The following SUN5 variants were observed in gnomAD, a reference collection of about 807,000 sequenced individuals.
SUN5 encodes Sad1 and UNC84 domain containing 5.
Under a neutral mutation model 53.7 loss-of-function variants are expected in SUN5, and 44 were observed. The ratio of observed to expected loss-of-function variants is 0.82; its 90% CI spans 0.64 to 1.05. The LOEUF (loss-of-function observed/expected upper bound fraction) is 1.05, where lower values mean the gene tolerates loss of function less well. Among genes scored for constraint, SUN5 ranks in the 50% least tolerant of loss-of-function variants. The pLI, the probability that SUN5 is intolerant of heterozygous loss-of-function variation, is 0.00. For synonymous variants in SUN5, 166 were observed against 179.8 expected (o/e 0.92, Z 0.62); for missense variants, 433 against 483.8 (o/e 0.90, Z 0.98).
At chr20:32,992,655 C>T (rs775272440) in intron 8 of SUN5, among the ~76,000 whole-genome samples, 9 of 152,148 alleles carry the variant, frequency 5.9e-5, no homozygotes, top group South Asian at 2.1e-4. Flanking sequence ...TGAAAAGCCA[C>T]GCTATAGCCT....
At chr20:32,991,892 C>T (rs1989719086) in intron 8 of SUN5, among the ~76,000 whole-genome samples, 1 of 152,184 alleles carries the variant, frequency 6.6e-6, no homozygotes, top group South Asian at 2.1e-4. Context: ...AAGACCCAAA[C>T]CCATATGAAC....
intron 8 of SUN5, among the ~76,000 whole-genome samples, chr20:32,991,078 T>C (rs1219727395): frequency 6.6e-6 from 1 of 152,094 alleles, no homozygotes; most frequent in Admixed American, 6.6e-5. Context: ...CTGGGGACAA[T>C]AATCTCACCT....
At chr20:33,004,011 A>C (rs1462857966) in intron 1 of SUN5, among the ~76,000 whole-genome samples, 3 of 152,196 alleles carry the variant, frequency 2.0e-5, no homozygotes, top group Non-Finnish European at 4.4e-5. Context: ...GACTGGTGCC[A>C]CACCGTGTTC....
chr20:32,999,843 AC>A lies in SUN5; in HGVS notation c.340+230del, dbSNP rs371482039. On this transcript the variant is annotated intron_variant, in intron 5 of 12. Transcript: ENST00000356173. ...CATGGAAACCCAGAAAGCGGAAGTA[AC>A]AATGTTCATAACACGGTTTGGGGAG... 24 of 1,423,602 alleles carry A rather than the reference AC, an allele frequency of 1.7e-5. No individual in the cohort carries two copies. In the African/African-American group the frequency reaches 2.7e-4, roughly 16 times the overall value. 88.2% of individuals were successfully genotyped at this position (1,423,602 alleles called of 1,614,324 possible).
chr20:32,996,573 C>T (rs6088060), intron 6 of SUN5, among the ~76,000 whole-genome samples: 47,621 of 150,380 alleles, frequency 0.32, 8,672 homozygotes, highest in East Asian at 0.79. Context: ...TCCATCCACA[C>T]CTTCATCCAT....
intron 10 of SUN5, among the ~76,000 whole-genome samples, chr20:32,986,915 C>G (rs918111438): frequency 1.3e-5 from 2 of 152,220 alleles, no homozygotes; most frequent in African/African-American, 4.8e-5. Flanking sequence ...TCGGCTGCGG[C>G]CACCAGGAAG....
chr20:32,998,215 G>A (rs142002258), intron 5 of SUN5, among the ~76,000 whole-genome samples: 401 of 149,422 alleles, frequency 2.7e-3, no homozygotes, highest in Non-Finnish European at 4.3e-3. Flanking sequence ...AAATTAGCCC[G>A]GTGTGGTGCA....
intron 10 of SUN5, among the ~76,000 whole-genome samples, chr20:32,987,209 A>G (rs1251858825): frequency 6.6e-6 from 1 of 152,172 alleles, no homozygotes; most frequent in East Asian, 1.9e-4. Flanking sequence ...TGGCTCTGCT[A>G]CATACTAGTG....
chr20:33,000,843 TA>T (rs538864856), intron 4 of SUN5, among the ~76,000 whole-genome samples: 4,151 of 107,254 alleles, frequency 0.039, 127 homozygotes, highest in African/African-American at 0.099. Flanking sequence ...AAACCCTGTC[TA>T]AAAAAAAAAA....
chr20:33,001,655 C>T (rs867721765), intron 3 of SUN5, among the ~76,000 whole-genome samples: 7 of 123,516 alleles, frequency 5.7e-5, no homozygotes, highest in African/African-American at 2.2e-4. Context: ...CCCTCCCTCC[C>T]TCCCTCCCTC....
chr20:32,988,675 G>GC (rs1472728005), intron 9 of SUN5, among the ~76,000 whole-genome samples: 1 of 151,538 alleles, frequency 6.6e-6, no homozygotes, highest in Non-Finnish European at 1.5e-5. Context: ...CGCAACCTCC[G>GC]TCCCCCAGGT....
chr20:32,998,027 C>T (rs1272724329), intron 5 of SUN5, among the ~76,000 whole-genome samples: 1 of 152,006 alleles, frequency 6.6e-6, no homozygotes, highest in African/African-American at 2.4e-5. Context: ...GGCTGAAAAG[C>T]CACCATTCAA....
chr20:33,001,469 A>G (rs1228366936), intron 3 of SUN5, among the ~76,000 whole-genome samples, 191 bp from the exon 4 acceptor site: 1 of 147,052 alleles, frequency 6.8e-6, no homozygotes, highest in African/African-American at 2.5e-5. Context: ...ACAGGTCACT[A>G]CAGGTGGGCA....
intron 6 of SUN5, 73 bp from the exon 7 acceptor site, chr20:32,996,431 C>G: frequency 7.3e-7 from 1 of 1,368,462 alleles, no homozygotes; most frequent in Non-Finnish European, 1.0e-6. Context: ...CTTCATCCAT[C>G]TATTCTCCCA....
At chr20:32,998,858 A>AC (rs534603229) in intron 5 of SUN5, among the ~76,000 whole-genome samples, 6 of 152,052 alleles carry the variant, frequency 3.9e-5, no homozygotes, top group South Asian at 2.1e-4. Flanking sequence ...TCTCCAAAAA[A>AC]AAAAAAATTT....
At chr20:33,001,565 T>TCTTTCTTTCTTTCTTTCTTTCTTC (rs1568970948) in intron 3 of SUN5, among the ~76,000 whole-genome samples, 1 of 121,658 alleles carries the variant, frequency 8.2e-6, no homozygotes, top group African/African-American at 4.0e-5. Context: ...TTTCTTTCTT[T>TCTTTCTTTCTTTCTTTCTTTCTTC]TCTTCCTTCC....
intron 3 of SUN5, among the ~76,000 whole-genome samples, chr20:33,002,176 T>A (rs1329923642): frequency 6.7e-6 from 1 of 150,156 alleles, no homozygotes; most frequent in African/African-American, 2.5e-5. Flanking sequence ...GGCTTGGAGG[T>A]GGATGAATCA....
At chr20:32,986,867 T>G (rs2146323433) in intron 10 of SUN5, among the ~76,000 whole-genome samples, 1 of 152,294 alleles carries the variant, frequency 6.6e-6, no homozygotes, top group African/African-American at 2.4e-5. Context: ...GCTTGGCCTG[T>G]GCCCCTGCGT....
At chr20:32,987,197 T>G (rs1011632405) in intron 10 of SUN5, among the ~76,000 whole-genome samples, 5 of 152,230 alleles carry the variant, frequency 3.3e-5, no homozygotes, top group African/African-American at 9.7e-5. Flanking sequence ...AGGTTTGAAC[T>G]CTGGCTCTGC....
Sources: allele counts gnomAD v4.1 joint callset (sites outside exome capture counted in the v4.1 genomes callset), GRCh38; gene constraint gnomAD v4.1.1; transcripts MANE v1.5; gene names NCBI Gene and HGNC (gene_info 2026-07-23, HGNC 2026-07-21).